The following COL4A5 variants were observed in gnomAD, a reference collection of about 807,000 sequenced individuals.
COL4A5 encodes collagen type IV alpha 5 chain.
Under a neutral mutation model 130.2 loss-of-function variants are expected in COL4A5, and 26 were observed. That is an observed-to-expected ratio of 0.20 (90% CI 0.15 to 0.28). The LOEUF (loss-of-function observed/expected upper bound fraction) is 0.28. Among genes scored for constraint, COL4A5 ranks in the 10% least tolerant of loss-of-function variants. The pLI is 1.00. For synonymous variants in COL4A5, 496 were observed against 439.6 expected, an observed-to-expected ratio of 1.13 and a Z score of -1.60; for missense variants, 1,131 against 1,344.3, an observed-to-expected ratio of 0.84 and a Z score of 2.48.
At chrX:108,644,919 C>CAAAAAAAAAAAAAAAAAAAAAA (rs778790757) in intron 36 of COL4A5, among the ~76,000 whole-genome samples, 2 of 47,552 alleles carry the variant, frequency 4.2e-5, no homozygotes, top group African/African-American at 5.5e-5. Flanking sequence ...ACAACAACAA[C>CAAAAAAAAAAAAAAAAAAAAAA]AAAAAAAAAA....
chrX:108,676,412 G>C, intron 43 of COL4A5, among the ~76,000 whole-genome samples: 1 of 111,596 alleles, frequency 9.0e-6, no homozygotes, highest in Middle Eastern at 4.6e-3. Flanking sequence ...TTGCCACCTG[G>C]TGACAAAAGA....
At chrX:108,686,323 T>A (rs1020672172) in intron 48 of COL4A5, among the ~76,000 whole-genome samples, 194 bp downstream of exon 48, 1 of 112,095 alleles carries the variant, frequency 8.9e-6, no homozygotes. Context: ...CATACAAGAT[T>A]GCTTTTATTT....
In COL4A5 at chrX:108,573,644, C is replaced by T. The variant is rs2066100800; in HGVS notation, c.536C>T (p.Pro179Leu). Residue 179 changes from proline (P) to leucine (L), a missense_variant, in exon 9 of 53, where the codon CCT becomes CTT. Transcript: ENST00000328300. The part of the protein sequence containing the change: ...PKGNPGYPGP[P>L]GIQGLPGPTG... Reference sequence around the variant, plus strand: ...GGTAATCCAGGATATCCAGGTCCTCCTGGAATACAAGTAAGTATCCAGTGA... The same window carrying T: ...GGTAATCCAGGATATCCAGGTCCTCTTGGAATACAAGTAAGTATCCAGTGA... The T allele has an allele frequency of 2.5e-6, 3 of 1,185,266 alleles. No individual in the cohort carries two copies. The highest frequency in any genetic ancestry group is 3.5e-5 in the African/African-American group (2 of 56,739).
Position 108,559,111 on chromosome X carries a change from A to G in COL4A5, c.189A>G (p.Gly63=). Residue 63 remains glycine, a synonymous_variant, in exon 3 of 53, where the codon GGA becomes GGG. Transcript: ENST00000328300. ...TGGAAGGACACCCAGGATTGCCTGGATTTCCAGGTCCAGAAGGGCCTCCGG... is the reference window on the plus strand; with the variant it reads ...TGGAAGGACACCCAGGATTGCCTGGGTTTCCAGGTCCAGAAGGGCCTCCGG... ...PGLEGHPGLP[G]FPGPEGPPGP... The G allele has an allele frequency of 8.3e-7, 1 of 1,211,379 alleles. No individual in the cohort carries two copies. The highest frequency in any genetic ancestry group is 1.1e-6 in the Non-Finnish European group (1 of 895,133).
chrX:108,526,308 G>T (rs2065310872), intron 1 of COL4A5, among the ~76,000 whole-genome samples: 2 of 111,649 alleles, frequency 1.8e-5, no homozygotes, highest in Admixed American at 1.9e-4. Flanking sequence ...TTTGTTCATT[G>T]GCTGTATGTT....
intron 37 of COL4A5, among the ~76,000 whole-genome samples, chrX:108,659,766 A>G (rs750006630): frequency 5.4e-5 from 6 of 110,886 alleles, no homozygotes; most frequent in Non-Finnish European, 9.5e-5. Flanking sequence ...TTTTATTTTT[A>G]CCTGTCTGTA....
Position 108,664,603 on chromosome X carries a change from C to T in COL4A5, c.3374-904C>T, listed in dbSNP as rs190206525. Among the ~76,000 whole-genome samples the T allele has an allele frequency of 2.7e-3, 301 of 111,020 alleles. 2 individuals are homozygous for T. The highest frequency in any genetic ancestry group is 9.1e-3 in the African/African-American group (279 of 30,510). On this transcript the variant is annotated intron_variant, in intron 37 of 52. Coordinates refer to ENST00000328300, the MANE Select transcript of COL4A5 (RefSeq NM_033380.3). ...TTAAACTACTTTTATCAGAAAACAC[C>T]GCTAGGAAAATGAATAGGAAAGCCA...
At chrX:108,646,761 C>T (rs769248117) in intron 36 of COL4A5, among the ~76,000 whole-genome samples, 1 of 111,308 alleles carries the variant, frequency 9.0e-6, no homozygotes, top group African/African-American at 3.3e-5. Flanking sequence ...TTTTGTATAA[C>T]GTGTAAGGAA....
At chrX:108,626,149 T>C (rs954661503) in intron 35 of COL4A5, 61 bp from the exon 36 acceptor site, 2 of 1,116,351 alleles carry the variant, frequency 1.8e-6, no homozygotes, top group African/African-American at 3.6e-5. Context: ...CATATGCATC[T>C]TAGATAATCC....
intron 1 of COL4A5, among the ~76,000 whole-genome samples, chrX:108,499,902 T>A (rs1201317222): frequency 9.0e-6 from 1 of 111,561 alleles, no homozygotes; most frequent in Non-Finnish European, 1.9e-5. Context: ...AATAAATACA[T>A]GTATGTATAA....
intron 24 of COL4A5, among the ~76,000 whole-genome samples, chrX:108,598,024 C>A (rs984397301): frequency 1.8e-5 from 2 of 109,912 alleles, no homozygotes; most frequent in African/African-American, 6.6e-5. Flanking sequence ...AACCCTGTCT[C>A]TACTAAAAAC....
chrX:108,632,005 C>CA (rs1228689453), intron 36 of COL4A5, among the ~76,000 whole-genome samples: 1 of 111,015 alleles, frequency 9.0e-6, no homozygotes, highest in Non-Finnish European at 1.9e-5. Flanking sequence ...AATAGAGACA[C>CA]AAAAAACCCT....
At chrX:108,571,256 T>C (rs755679229) in intron 6 of COL4A5, among the ~76,000 whole-genome samples, 157 bp from the exon 7 acceptor site, 12 of 112,071 alleles carry the variant, frequency 1.1e-4, no homozygotes, top group African/African-American at 2.9e-4. Context: ...ATAGTTGATA[T>C]TGAAGTAATT....
chrX:108,669,343 A>G (rs938874535), intron 41 of COL4A5, among the ~76,000 whole-genome samples: 6 of 112,436 alleles, frequency 5.3e-5, no homozygotes, highest in African/African-American at 1.9e-4. Flanking sequence ...AGTCTCTGAC[A>G]TTATATAAGT....
intron 42 of COL4A5, among the ~76,000 whole-genome samples, chrX:108,674,069 A>C (rs2068258027): frequency 9.1e-6 from 1 of 109,878 alleles, no homozygotes; most frequent in African/African-American, 3.3e-5. Context: ...TAATTCAATA[A>C]ATAGTAATAG....
intron 1 of COL4A5, among the ~76,000 whole-genome samples, chrX:108,472,060 T>C (rs2064777036): frequency 8.9e-6 from 1 of 111,846 alleles, no homozygotes; most frequent in African/African-American, 3.2e-5. Flanking sequence ...TTCTCTTAAG[T>C]ATTTTCTAAT....
At chrX:108,696,200 T>C in intron 52 of COL4A5, 97 bp from the exon 53 acceptor site, 1 of 708,036 alleles carries the variant, frequency 1.4e-6, no homozygotes, top group South Asian at 2.1e-5. Flanking sequence ...AGAGAGCTAC[T>C]TAACACACAA....
chrX:108,528,000 C>T (rs1048291126), intron 1 of COL4A5, among the ~76,000 whole-genome samples: 1 of 112,025 alleles, frequency 8.9e-6, no homozygotes, highest in Non-Finnish European at 1.9e-5. Context: ...GACTGAAGAA[C>T]CTGCTCACCC....
intron 2 of COL4A5, among the ~76,000 whole-genome samples, chrX:108,558,032 A>T (rs995296627): frequency 1.9e-5 from 2 of 104,368 alleles, no homozygotes; most frequent in Admixed American, 1.0e-4. Context: ...CCATTAACTC[A>T]TCATTTACAT....
Sources: gnomAD v4.1 joint callset for allele counts (sites outside exome capture counted in the v4.1 genomes callset) on GRCh38, gnomAD v4.1.1 for gene constraint, MANE v1.5 for transcripts, NCBI Gene and HGNC (gene_info 2026-07-23, HGNC 2026-07-21) for gene names.